The following SIPA1L2 variants were observed in gnomAD, a reference collection of about 807,000 sequenced individuals.
The protein encoded by SIPA1L2 is signal-induced proliferation-associated 1-like protein 2.
Under a neutral mutation model 163.9 loss-of-function variants are expected in SIPA1L2, and 56 were observed. The ratio of observed to expected loss-of-function variants is 0.34; its 90% CI spans 0.28 to 0.43. SIPA1L2 has a LOEUF of 0.43. SIPA1L2 is among the 20% of genes least tolerant of loss of function. The pLI, the probability that SIPA1L2 is intolerant of heterozygous loss-of-function variation, is 1.00. For synonymous variants in SIPA1L2, 877 were observed against 865.7 expected, an observed-to-expected ratio of 1.01 and a Z score of -0.23; for missense variants, 1,974 against 2,193.5, an observed-to-expected ratio of 0.90 and a Z score of 2.00.
intron 1 of SIPA1L2, among the ~76,000 whole-genome samples, chr1:232,615,524 C>T (rs573235698): frequency 3.3e-5 from 5 of 152,112 alleles, no homozygotes; most frequent in African/African-American, 9.7e-5. Context: ...TGCAGTCATT[C>T]GAAAGGTTTT....
chr1:232,550,522 A>G (rs1033396435), intron 2 of SIPA1L2, among the ~76,000 whole-genome samples: 3 of 152,212 alleles, frequency 2.0e-5, no homozygotes, highest in African/African-American at 4.8e-5. Flanking sequence ...GTTAAACACC[A>G]TTACACAAAT....
intron 10 of SIPA1L2, among the ~76,000 whole-genome samples, chr1:232,455,307 C>G (rs1375940902): frequency 1.3e-5 from 2 of 152,130 alleles, no homozygotes; most frequent in Non-Finnish European, 2.9e-5. Flanking sequence ...ACTTGAGACA[C>G]ACGCACGCAT....
chr1:232,590,018 T>C (rs907767285), intron 1 of SIPA1L2, among the ~76,000 whole-genome samples: 3 of 152,194 alleles, frequency 2.0e-5, no homozygotes, highest in African/African-American at 7.2e-5. Flanking sequence ...GTCATCGCTC[T>C]ATCTCAAGTC....
intron 4 of SIPA1L2, among the ~76,000 whole-genome samples, chr1:232,492,459 C>T (rs1387786295): frequency 6.6e-6 from 1 of 152,160 alleles, no homozygotes; most frequent in Non-Finnish European, 1.5e-5. Flanking sequence ...CATGCTCTCA[C>T]CCCAGCCTCC....
chr1:232,545,503 C>T (rs193172006), intron 2 of SIPA1L2, among the ~76,000 whole-genome samples: 283 of 152,316 alleles, frequency 1.9e-3, no homozygotes, highest in Non-Finnish European at 1.8e-3. Flanking sequence ...AATATGTAAT[C>T]ACACGTAATA....
intron 2 of SIPA1L2, among the ~76,000 whole-genome samples, chr1:232,528,099 T>TA (rs1667803614): frequency 7.4e-6 from 1 of 135,022 alleles, no homozygotes; most frequent in Non-Finnish European, 1.6e-5. Context: ...TATATATATA[T>TA]ATAATCAACT....
At chr1:232,457,394 T>G (rs1247051637) in intron 10 of SIPA1L2, among the ~76,000 whole-genome samples, 2 of 152,218 alleles carry the variant, frequency 1.3e-5, no homozygotes, top group Non-Finnish European at 2.9e-5. Flanking sequence ...ATCTCATAAT[T>G]CCTTAATTTG....
intron 2 of SIPA1L2, among the ~76,000 whole-genome samples, chr1:232,562,045 T>C (rs934440056): frequency 6.6e-6 from 1 of 152,142 alleles, no homozygotes; most frequent in African/African-American, 2.4e-5. Flanking sequence ...TATGGATAAG[T>C]TGCTGAGACC....
intron 19 of SIPA1L2, among the ~76,000 whole-genome samples, chr1:232,409,873 G>C (rs765359373): frequency 5.9e-5 from 9 of 152,042 alleles, no homozygotes; most frequent in Non-Finnish European, 7.4e-5. Context: ...ATAAATGTTG[G>C]GGGTGGTTTG....
chr1:232,445,789 G>T lies in SIPA1L2; in HGVS notation c.3096-3C>A. ...TCCGGCAGAGCTCTGAACACCCTCT[G>T]TTGGGCCAAGAAGAAATGGTGAGAA... is the stretch of plus-strand genomic sequence containing the variant. On this transcript the variant is annotated splice_polypyrimidine_tract_variant and splice_region_variant and intron_variant, in intron 10 of 22. Coordinates refer to ENST00000674635, the MANE Select transcript of SIPA1L2 (RefSeq NM_020808.5). 6.2e-7 allele frequency: 1 copy of T among 1,611,194 alleles called. No homozygotes were observed. The highest frequency in any genetic ancestry group is 8.5e-7 in the Non-Finnish European group (1 of 1,178,588).
intron 2 of SIPA1L2, among the ~76,000 whole-genome samples, chr1:232,564,852 G>A (rs1344836374): frequency 6.6e-6 from 1 of 152,056 alleles, no homozygotes; most frequent in Non-Finnish European, 1.5e-5. Flanking sequence ...TGAACAACGA[G>A]AACACATGGA....
chr1:232,445,857 T>G, intron 10 of SIPA1L2, 71 bp from the exon 11 acceptor site: 2 of 1,553,590 alleles, frequency 1.3e-6, no homozygotes, highest in African/African-American at 1.4e-5. Context: ...TACTCACAGC[T>G]GGGCCCCTCA....
chr1:232,615,189 CT>C (rs753800423), intron 1 of SIPA1L2, among the ~76,000 whole-genome samples: 12 of 152,236 alleles, frequency 7.9e-5, no homozygotes, highest in Non-Finnish European at 1.3e-4. Context: ...TCTCCTGCCC[CT>C]GACACCATGG....
intron 2 of SIPA1L2, among the ~76,000 whole-genome samples, chr1:232,570,031 A>G (rs940407670): frequency 2.0e-5 from 3 of 152,234 alleles, no homozygotes; most frequent in African/African-American, 4.8e-5. Flanking sequence ...CCAGGCATCA[A>G]AACAGCACCT....
At chr1:232,579,614 G>A in intron 1 of SIPA1L2, among the ~76,000 whole-genome samples, 1 of 152,252 alleles carries the variant, frequency 6.6e-6, no homozygotes, top group East Asian at 1.9e-4. Flanking sequence ...AACCACCAAT[G>A]GTTCTCTATT....
chr1:232,603,175 G>C (rs1454019448), intron 1 of SIPA1L2, among the ~76,000 whole-genome samples: 1 of 152,186 alleles, frequency 6.6e-6, no homozygotes, highest in East Asian at 1.9e-4. Flanking sequence ...CTAAGACAAA[G>C]AACAGAGTGC....
chr1:232,543,340 G>A (rs539215971), intron 2 of SIPA1L2, among the ~76,000 whole-genome samples: 26 of 152,236 alleles, frequency 1.7e-4, no homozygotes, highest in African/African-American at 6.3e-4. Context: ...TGCACTGCAT[G>A]GGTCCACTTA....
chr1:232,454,091 G>A (rs1335268922), intron 10 of SIPA1L2, among the ~76,000 whole-genome samples: 1 of 152,096 alleles, frequency 6.6e-6, no homozygotes, highest in Non-Finnish European at 1.5e-5. Flanking sequence ...CTTCCAACCG[G>A]GAGATAACCA....
chr1:232,504,884 C>T (rs1170084722), intron 3 of SIPA1L2, among the ~76,000 whole-genome samples: 4 of 152,172 alleles, frequency 2.6e-5, no homozygotes, highest in African/African-American at 9.7e-5. Context: ...AGTGAGGATG[C>T]AAACCCAGAC....
Sources: gnomAD v4.1 joint callset for allele counts (sites outside exome capture counted in the v4.1 genomes callset) on GRCh38, gnomAD v4.1.1 for gene constraint, MANE v1.5 for transcripts, NCBI Gene and HGNC (gene_info 2026-07-23, HGNC 2026-07-21) for gene names.